The following PCDH15 variants were observed in gnomAD, a reference collection of about 807,000 sequenced individuals.
The protein encoded by PCDH15 is protocadherin-15.
Under a neutral mutation model 178.5 loss-of-function variants are expected in PCDH15, and 129 were observed. The ratio of observed to expected loss-of-function variants is 0.72; its 90% CI spans 0.63 to 0.84. The LOEUF (loss-of-function observed/expected upper bound fraction) is 0.84, where lower values mean the gene tolerates loss of function less well. PCDH15 is among the 40% of genes least tolerant of loss of function. PCDH15 has a pLI of 0.00. For synonymous variants in PCDH15, 800 were observed against 732.0 expected (o/e 1.09, Z -1.50); for missense variants, 2,230 against 2,099.9 (o/e 1.06, Z -1.21).
intron 2 of PCDH15, among the ~76,000 whole-genome samples, chr10:55,595,828 A>C (rs1456866513): frequency 6.6e-6 from 1 of 152,086 alleles, no homozygotes; most frequent in East Asian, 1.9e-4. Context: ...TTTGAGATTA[A>C]ATATCAAAAA....
At chr10:55,516,556 A>G (rs1841016698) in intron 2 of PCDH15, among the ~76,000 whole-genome samples, 1 of 152,136 alleles carries the variant, frequency 6.6e-6, no homozygotes, top group Admixed American at 6.6e-5. Flanking sequence ...TCCCTTGGAG[A>G]TGGCAGAAGA....
intron 25 of PCDH15, among the ~76,000 whole-genome samples, chr10:53,924,804 G>T (rs1442812965): frequency 1.3e-5 from 2 of 152,194 alleles, no homozygotes; most frequent in African/African-American, 2.4e-5. Flanking sequence ...CTAGCTAAGG[G>T]ACTGTAAATA....
rs770171841 is a variant in PCDH15 at position 54,050,611 on chromosome 10, TTTTG to T, written c.2220+16142_2220+16145del. Among the ~76,000 whole-genome samples the T allele has an allele frequency of 1.8e-3, 269 of 148,134 alleles. No individual in the cohort carries two copies. In the Middle Eastern group the frequency reaches 0.021, roughly 12 times the overall value. ...GTTCTCTTTTGCTAGACATAAGGGG[TTTTG>T]TTTGTTTGTTTGTTTGTTTTTCCCT... On this transcript the variant is annotated intron_variant, in intron 18 of 37. Transcript: ENST00000644397.
At position 54,251,303 on chromosome 10, in the gene PCDH15, T is replaced by G. The variant is rs144988324; in HGVS notation, c.877-14372A>C. 2.4e-3 allele frequency among the ~76,000 whole-genome samples: 361 copies of G among 152,368 alleles called. 1 individual carries two copies. Among genetic ancestry groups the G allele is most frequent in the African/African-American group, 8.4e-3 (351 of 41,588 alleles). On this transcript the variant is annotated intron_variant, in intron 8 of 37. Transcript: ENST00000644397. ...CTGTGCTTTAACTGTGATTCATAATTAACACTTTTGATCTGCAAACACAGG... is the reference window on the plus strand; with the variant it reads ...CTGTGCTTTAACTGTGATTCATAATGAACACTTTTGATCTGCAAACACAGG...
intron 2 of PCDH15, among the ~76,000 whole-genome samples, chr10:54,939,500 A>AG (rs1327268096): frequency 6.8e-6 from 1 of 146,944 alleles, no homozygotes; most frequent in Non-Finnish European, 1.5e-5. Flanking sequence ...GTCTCAAAAA[A>AG]AAAAAAAAAA....
At chr10:54,420,687 T>C (rs1955140623) in intron 3 of PCDH15, among the ~76,000 whole-genome samples, 1 of 151,922 alleles carries the variant, frequency 6.6e-6, no homozygotes, top group Non-Finnish European at 1.5e-5. Flanking sequence ...GGGGAGATAG[T>C]GGGAAATAAT....
At position 54,853,343 on chromosome 10, in the gene PCDH15, A is replaced by ATT. The variant is rs1243501317; in HGVS notation, c.-29+44106_-29+44107insAA. On this transcript the variant is annotated intron_variant, in intron 3 of 5. Transcript: ENST00000458638. ...TACATACACACACATATACATATAT[A>ATT]TACATATATATATACACACACACAT... 2.2e-5 allele frequency among the ~76,000 whole-genome samples: 3 copies of ATT among 136,398 alleles called. No individual in the cohort carries two copies. The Admixed American group carries it at 2.4e-4, about 11-fold the overall frequency. The allele number at this position is 136,398 out of a possible 152,430, so 89.5% of individuals were successfully genotyped here. A position where few individuals can be genotyped will look rare whatever the true frequency, so the allele number is the denominator to read the frequency against.
intron 18 of PCDH15, among the ~76,000 whole-genome samples, chr10:54,035,400 G>T (rs2093393182): frequency 6.6e-6 from 1 of 151,898 alleles, no homozygotes; most frequent in Non-Finnish European, 1.5e-5. Flanking sequence ...CTCAGAATAT[G>T]ACAAACTTTT....
At chr10:54,579,701 A>G (rs1276646147) in intron 2 of PCDH15, among the ~76,000 whole-genome samples, 3 of 152,014 alleles carry the variant, frequency 2.0e-5, no homozygotes, top group Non-Finnish European at 4.4e-5. Flanking sequence ...TGCACACAGA[A>G]CATACTCTAA....
At chr10:55,513,707 C>CT (rs1256113260) in intron 2 of PCDH15, among the ~76,000 whole-genome samples, 1 of 151,906 alleles carries the variant, frequency 6.6e-6, no homozygotes, top group Non-Finnish European at 1.5e-5. Flanking sequence ...AGCTATAACT[C>CT]TTGCTGTTTC....
intron 2 of PCDH15, among the ~76,000 whole-genome samples, chr10:54,649,653 GTA>G (rs1389446406): frequency 2.0e-5 from 3 of 152,096 alleles, no homozygotes; most frequent in African/African-American, 7.2e-5. Flanking sequence ...ACATGTGTGT[GTA>G]TGTGTGTGTG....
At chr10:54,498,880 A>G (rs145216516) in intron 3 of PCDH15, among the ~76,000 whole-genome samples, 25 of 152,236 alleles carry the variant, frequency 1.6e-4, no homozygotes, top group Non-Finnish European at 3.1e-4. Flanking sequence ...GAAACTTTCA[A>G]TCATGATGGA....
chr10:55,549,178 T>TC (rs770100804), intron 2 of PCDH15, among the ~76,000 whole-genome samples: 27 of 151,656 alleles, frequency 1.8e-4, no homozygotes, highest in Non-Finnish European at 2.9e-4. Context: ...GTTTGTTTTT[T>TC]CCCCCCCAGC....
intron 3 of PCDH15, among the ~76,000 whole-genome samples, chr10:54,391,644 T>C (rs1950559541): frequency 6.6e-6 from 1 of 152,034 alleles, no homozygotes; most frequent in African/African-American, 2.4e-5. Flanking sequence ...GAGCCATGTT[T>C]AGAAAAGAAG....
chr10:55,041,490 A>G (rs1840862461), intron 2 of PCDH15, among the ~76,000 whole-genome samples: 1 of 152,150 alleles, frequency 6.6e-6, no homozygotes, highest in African/African-American at 2.4e-5. Context: ...AACAGGAAAA[A>G]TAGAAATCTC....
chr10:54,576,769 C>T (rs2090517216), intron 2 of PCDH15, among the ~76,000 whole-genome samples: 1 of 152,136 alleles, frequency 6.6e-6, no homozygotes. Context: ...TGTAGTAATA[C>T]ATCAGATTAT....
intron 15 of PCDH15, among the ~76,000 whole-genome samples, chr10:54,091,576 T>A (rs948262351): frequency 6.6e-6 from 1 of 152,162 alleles, no homozygotes; most frequent in African/African-American, 2.4e-5. Flanking sequence ...CCACAAAAAC[T>A]ACAGAATCAA....
chr10:54,787,469 T>G (rs1409288055), intron 1 of PCDH15, among the ~76,000 whole-genome samples: 2 of 151,938 alleles, frequency 1.3e-5, no homozygotes, highest in Non-Finnish European at 2.9e-5. Flanking sequence ...TCTAAACAAT[T>G]TGATTCAATG....
intron 2 of PCDH15, among the ~76,000 whole-genome samples, chr10:55,039,108 C>A (rs1840805711): frequency 6.6e-6 from 1 of 152,044 alleles, no homozygotes; most frequent in African/African-American, 2.4e-5. Context: ...TCCCTCTCTC[C>A]ATACCTTCCC....
Sources: gnomAD v4.1 joint callset for allele counts (sites outside exome capture counted in the v4.1 genomes callset) on GRCh38, gnomAD v4.1.1 for gene constraint, MANE v1.5 for transcripts, NCBI Gene and HGNC (gene_info 2026-07-23, HGNC 2026-07-21) for gene names.